The following BRINP1 variants were observed in gnomAD, a reference collection of about 807,000 sequenced individuals.
BRINP1 encodes BMP/retinoic acid-inducible neural-specific protein 1.
A neutral mutation model predicts 72.9 loss-of-function variants in BRINP1; 17 were observed. The ratio of observed to expected loss-of-function variants is 0.23; its 90% CI spans 0.16 to 0.35. BRINP1 has a LOEUF of 0.35. BRINP1 is among the 10% of genes least tolerant of loss of function. The pLI is 1.00. For synonymous variants in BRINP1, 418 were observed against 378.5 expected (o/e 1.10, Z -1.21); for missense variants, 850 against 1,001.6 (o/e 0.85, Z 2.04).
intron 7 of BRINP1, among the ~76,000 whole-genome samples, chr9:119,195,913 G>T (rs1177748503): frequency 6.6e-6 from 1 of 152,152 alleles, no homozygotes; most frequent in Non-Finnish European, 1.5e-5. Context: ...GTTTTGAGGA[G>T]CCCAATCTCT....
intron 1 of BRINP1, among the ~76,000 whole-genome samples, chr9:119,349,304 A>G (rs1831480221): frequency 6.6e-6 from 1 of 152,212 alleles, no homozygotes; most frequent in Admixed American, 6.5e-5. Context: ...TATATGGGAC[A>G]ACTGTTAGTG....
Position 119,290,065 on chromosome 9 carries a change from AG to A in BRINP1, c.218+23072del, listed in dbSNP as rs548572781. 1.2e-4 allele frequency among the ~76,000 whole-genome samples: 19 copies of A among 152,352 alleles called. No homozygotes were observed. The East Asian group carries it at 3.5e-3, about 28-fold the overall frequency. ...TGCTCAAGCAAAACTTTCCATGGTA[AG>A]TAATGATAAATAATGAATACATTCA... On this transcript the variant is annotated intron_variant, in intron 2 of 7. Coordinates refer to ENST00000265922, the MANE Select transcript of BRINP1 (RefSeq NM_014618.3).
At chr9:119,192,675 G>T (rs989100372) in intron 7 of BRINP1, among the ~76,000 whole-genome samples, 1 of 152,048 alleles carries the variant, frequency 6.6e-6, no homozygotes, top group African/African-American at 2.4e-5. Context: ...AGCCATTATA[G>T]AAAACAATAT....
At chr9:119,342,017 C>G (rs1041292787) in intron 1 of BRINP1, among the ~76,000 whole-genome samples, 2 of 152,122 alleles carry the variant, frequency 1.3e-5, no homozygotes, top group African/African-American at 4.8e-5. Flanking sequence ...ATCTGCCCCC[C>G]TCGGTCACCC....
At chr9:119,250,536 T>C (rs1830376372) in intron 2 of BRINP1, among the ~76,000 whole-genome samples, 1 of 152,200 alleles carries the variant, frequency 6.6e-6, no homozygotes, top group Non-Finnish European at 1.5e-5. Context: ...ACATGAAACA[T>C]AGAGTGCAAA....
intron 5 of BRINP1, among the ~76,000 whole-genome samples, chr9:119,217,941 A>C (rs531515858): frequency 6.6e-6 from 1 of 152,076 alleles, no homozygotes; most frequent in East Asian, 1.9e-4. Context: ...TTCTCTCCTC[A>C]GATTTCTGCT....
chr9:119,312,609 A>T (rs1051076086), intron 2 of BRINP1, among the ~76,000 whole-genome samples: 3 of 152,202 alleles, frequency 2.0e-5, no homozygotes, highest in African/African-American at 7.2e-5. Flanking sequence ...GCTTAACAAA[A>T]GGTTTCTTTA....
At chr9:119,336,331 C>T (rs1484752298) in intron 1 of BRINP1, among the ~76,000 whole-genome samples, 2 of 152,210 alleles carry the variant, frequency 1.3e-5, no homozygotes, top group Non-Finnish European at 2.9e-5. Context: ...TGCAAACACC[C>T]TCTCCTGTTC....
At position 119,273,444 on chromosome 9, in the gene BRINP1, G is replaced by A. The variant is rs545707649; in HGVS notation, c.219-24294C>T. Among the ~76,000 whole-genome samples the A allele has an allele frequency of 3.9e-5, 6 of 152,194 alleles. No homozygotes were observed. In the East Asian group the frequency reaches 9.7e-4, roughly 25 times the overall value. ...TGGGTTTCAGGGGTTGTGAGGATTC[G>A]AGTCAGTAAAGAAAAAGGATTAAAA... On this transcript the variant is annotated intron_variant, in intron 2 of 7. Coordinates refer to ENST00000265922, the MANE Select transcript of BRINP1 (RefSeq NM_014618.3).
chr9:119,177,044 G>A (rs181275304), intron 7 of BRINP1, among the ~76,000 whole-genome samples: 2 of 152,284 alleles, frequency 1.3e-5, no homozygotes, highest in East Asian at 1.9e-4. Context: ...GGCTTGAGAG[G>A]AGAGGTCCCT....
At chr9:119,246,112 C>T (rs369658534) in intron 3 of BRINP1, among the ~76,000 whole-genome samples, 6 of 152,310 alleles carry the variant, frequency 3.9e-5, no homozygotes, top group Middle Eastern at 3.4e-3. Flanking sequence ...TGAAGGACTA[C>T]TATTGTAACT....
chr9:119,256,462 T>C (rs933285796), intron 2 of BRINP1, among the ~76,000 whole-genome samples: 1 of 152,210 alleles, frequency 6.6e-6, no homozygotes. Context: ...CAATAGTTTA[T>C]AAACTCCATC....
At chr9:119,349,315 T>C (rs1281594444) in intron 1 of BRINP1, among the ~76,000 whole-genome samples, 1 of 152,114 alleles carries the variant, frequency 6.6e-6, no homozygotes, top group Admixed American at 6.6e-5. Flanking sequence ...ACTGTTAGTG[T>C]GAAGAAACAA....
intron 7 of BRINP1, among the ~76,000 whole-genome samples, chr9:119,206,442 G>C (rs184233938): frequency 2.0e-3 from 229 of 111,710 alleles, no homozygotes; most frequent in Middle Eastern, 5.1e-3. Flanking sequence ...AAAAAAAAAA[G>C]AGAGAGAGAG....
chr9:119,237,673 T>A (rs1401580832), intron 5 of BRINP1, among the ~76,000 whole-genome samples: 1 of 151,242 alleles, frequency 6.6e-6, no homozygotes, highest in Non-Finnish European at 1.5e-5. Flanking sequence ...TTATTATTAT[T>A]AGTACTGAGA....
Position 119,218,933 on chromosome 9 carries a change from C to T in BRINP1, c.686-4778G>A, listed in dbSNP as rs111516688. Among the ~76,000 whole-genome samples the T allele has an allele frequency of 5.8e-3, 883 of 152,054 alleles. 8 individuals carry two copies. Among genetic ancestry groups the T allele is most frequent in the African/African-American group, 0.019 (794 of 41,452 alleles). ...CTTGCAATGCCATGGTATAAGAAGC[C>T]GGAAACTTAGGAAAGTCATTAGGTT... is the stretch of plus-strand genomic sequence containing the variant. On this transcript the variant is annotated intron_variant, in intron 5 of 7. Transcript: ENST00000265922.
intron 2 of BRINP1, among the ~76,000 whole-genome samples, chr9:119,300,245 C>T (rs1379613202): frequency 2.0e-5 from 3 of 152,000 alleles, no homozygotes; most frequent in Non-Finnish European, 4.4e-5. Context: ...CAAAAATAAC[C>T]CTGTTCTGAT....
At chr9:119,347,053 C>T (rs1248124516) in intron 1 of BRINP1, among the ~76,000 whole-genome samples, 1 of 152,202 alleles carries the variant, frequency 6.6e-6, no homozygotes, top group Admixed American at 6.5e-5. Flanking sequence ...AGACTTACTT[C>T]TTGGAAGCTC....
At chr9:119,325,201 G>A (rs1831227775) in intron 1 of BRINP1, among the ~76,000 whole-genome samples, 2 of 152,114 alleles carry the variant, frequency 1.3e-5, no homozygotes, top group Non-Finnish European at 2.9e-5. Context: ...ATTATAATTT[G>A]TATATTTTAC....
Sources: gnomAD v4.1 joint callset for allele counts (sites outside exome capture counted in the v4.1 genomes callset) on GRCh38, gnomAD v4.1.1 for gene constraint, MANE v1.5 for transcripts, NCBI Gene and HGNC (gene_info 2026-07-23, HGNC 2026-07-21) for gene names.